Variants in TMPRSS7 observed in about 807,000 individuals in gnomAD.
TMPRSS7 encodes the protein transmembrane protease serine 7.
A neutral mutation model predicts 95.6 loss-of-function variants in TMPRSS7; 81 were observed. The observed-to-expected ratio is 0.85, with a 90% CI of 0.71 to 1.02. The LOEUF is 1.02. Among genes scored for constraint, TMPRSS7 ranks in the 50% least tolerant of loss-of-function variants. The pLI, the probability that TMPRSS7 is intolerant of heterozygous loss-of-function variation, is 0.00. For missense variants in TMPRSS7, 945 were observed against 955.2 expected (o/e 0.99, Z 0.14); for synonymous variants, 364 against 337.8 (o/e 1.08, Z -0.85).
chr3:112,068,834 C>T lies in TMPRSS7; in HGVS notation c.1666+2332C>T, dbSNP rs61440289. Among the ~76,000 whole-genome samples, 450 of 152,244 alleles carry T rather than the reference C, an allele frequency of 3.0e-3. 3 individuals are homozygous for T. Among genetic ancestry groups the T allele is most frequent in the Middle Eastern group, 0.01 (3 of 294 alleles). Reference sequence around the variant, plus strand: ...TTTACTTCTTTCTTCTGCCTGATTGCCCTGGCCAGAACTTCCAACACTATG... The same window carrying T: ...TTTACTTCTTTCTTCTGCCTGATTGTCCTGGCCAGAACTTCCAACACTATG... On this transcript the variant is annotated intron_variant, in intron 13 of 17. Transcript: ENST00000452346.
Position 112,063,529 on chromosome 3 carries a change from C to T in TMPRSS7, c.1452C>T (p.Cys484=), listed in dbSNP as rs58444424. The change falls in exon 12 of 18, where the codon TGC becomes TGT. Residue 484 remains cysteine, a synonymous_variant. Coordinates refer to ENST00000452346, the Ensembl canonical transcript of TMPRSS7. ...TTGATTTTTTGTTGCCCATAGCCTG[C>T]CCTGTTGGATCTTTTAGATGCTCCT... 1,393 of 1,613,708 alleles carry T rather than the reference C, an allele frequency of 8.6e-4. 12 individuals are homozygous for T. In the African/African-American group the frequency reaches 0.017, roughly 19 times the overall value.
intron 3 of TMPRSS7, among the ~76,000 whole-genome samples, chr3:112,043,825 C>T (rs1352020092): frequency 6.6e-6 from 1 of 152,124 alleles, no homozygotes; most frequent in Non-Finnish European, 1.5e-5. Flanking sequence ...TACCACTCGC[C>T]CCCTAGTGGC....
chr3:112,057,004 A>T lies in TMPRSS7; in HGVS notation c.1204-21A>T, dbSNP rs987164535. 5 of 1,527,698 alleles carry T rather than the reference A, an allele frequency of 3.3e-6. No individual in the cohort carries two copies. In the Admixed American group the frequency reaches 9.0e-5, roughly 27 times the overall value. 94.6% of individuals were successfully genotyped at this position (1,527,698 alleles called of 1,614,324 possible). A position where few individuals can be genotyped will look rare whatever the true frequency, so the allele number is the denominator to read the frequency against. On this transcript the variant is annotated intron_variant, in intron 9 of 17. Coordinates refer to ENST00000452346, the Ensembl canonical transcript of TMPRSS7. ...ACTTTGATTGAAGCATTTTTTTCTG[A>T]CTTAATGTTTATTTTCACAGACTTC...
At chr3:112,059,528 C>A (rs1029276468) in intron 10 of TMPRSS7, among the ~76,000 whole-genome samples, 2 of 152,170 alleles carry the variant, frequency 1.3e-5, no homozygotes, top group African/African-American at 4.8e-5. Context: ...TAATGGTGAG[C>A]ACAAAGGAAA....
intron 1 of TMPRSS7, among the ~76,000 whole-genome samples, chr3:112,036,794 G>A (rs755212649): frequency 2.0e-5 from 3 of 152,138 alleles, no homozygotes; most frequent in Non-Finnish European, 4.4e-5. Context: ...CTGAAGCCAT[G>A]GCAGAAGAAC....
chr3:112,047,867 C>T lies in TMPRSS7; in HGVS notation c.859C>T (p.Leu287Phe). The change falls in exon 7 of 18, where the codon CTC becomes TTC. Residue 287 changes from leucine (L) to phenylalanine (F), a missense_variant. Coordinates refer to ENST00000452346, the Ensembl canonical transcript of TMPRSS7. ...GGCCATAGTGGGCTACCTGATTCGT[C>T]TCTCAATCAAGTCCATCCAAATCGA... 6.2e-7 allele frequency: 1 copy of T among 1,614,144 alleles called. No individual in the cohort carries two copies. The highest frequency in any genetic ancestry group is 8.5e-7 in the Non-Finnish European group (1 of 1,180,026).
intron 15 of TMPRSS7, 61 bp downstream of exon 15, chr3:112,075,553 C>T (rs2073702035): frequency 7.7e-7 from 1 of 1,296,210 alleles, no homozygotes; most frequent in African/African-American, 1.5e-5. Context: ...ATATATCTGC[C>T]CTCAAATTGT....
At chr3:112,034,756 C>T (rs559403956), upstream of TMPRSS7, 21 of 681,304 alleles carry the variant, frequency 3.1e-5, no homozygotes, top group African/African-American at 7.1e-5. Context: ...AATGCGGTGA[C>T]GGTTCTCTCA....
chr3:112,040,305 AG>A (rs1366132619), intron 2 of TMPRSS7, among the ~76,000 whole-genome samples: 1 of 152,220 alleles, frequency 6.6e-6, no homozygotes, highest in Non-Finnish European at 1.5e-5. Flanking sequence ...ACTTTCAGAA[AG>A]TTCAGAGTTC....
intron 13 of TMPRSS7, among the ~76,000 whole-genome samples, chr3:112,068,921 C>A (rs1222610054): frequency 6.6e-6 from 1 of 152,156 alleles, no homozygotes; most frequent in Non-Finnish European, 1.5e-5. Flanking sequence ...GGGAATGCTT[C>A]CAATTTTTGC....
chr3:112,075,562 G>T (rs2073702110), intron 15 of TMPRSS7, 70 bp downstream of exon 15: 5 of 1,269,154 alleles, frequency 3.9e-6, no homozygotes, highest in South Asian at 2.8e-5. Context: ...CCCTCAAATT[G>T]TGGGAAGCAG....
At chr3:112,066,218 C>A (rs145279778) in intron 12 of TMPRSS7, among the ~76,000 whole-genome samples, 174 bp from the exon 13 acceptor site, 4 of 152,292 alleles carry the variant, frequency 2.6e-5, no homozygotes, top group Non-Finnish European at 5.9e-5. Context: ...AGAAATCACA[C>A]CAAAGTTTAA....
intron 5 of TMPRSS7, among the ~76,000 whole-genome samples, chr3:112,046,621 T>A (rs1559953890): frequency 6.6e-6 from 1 of 152,230 alleles, no homozygotes; most frequent in Admixed American, 6.5e-5. Flanking sequence ...CTGTATCTCA[T>A]GTACTATTTC....
rs200310602 is a variant in TMPRSS7 at position 112,061,868 on chromosome 3, A to G, written c.1392A>G (p.Ser464=). 3.7e-5 allele frequency: 59 copies of G among 1,612,270 alleles called. No individual in the cohort carries two copies. The East Asian group carries it at 1.3e-3, about 35-fold the overall frequency. ...TTCACATTCAGCTCCAGTGCAGTTCAAGGCTTTCAGACAAGCCACTTTTGG... is the reference window on the plus strand; with the variant it reads ...TTCACATTCAGCTCCAGTGCAGTTCGAGGCTTTCAGACAAGCCACTTTTGG... The change falls in exon 11 of 18, where the codon TCA becomes TCG. Residue 464 remains serine (S), a synonymous_variant. Coordinates refer to ENST00000452346, the Ensembl canonical transcript of TMPRSS7.
At chr3:112,072,870 A>G (rs2073667373) in intron 13 of TMPRSS7, among the ~76,000 whole-genome samples, 1 of 152,258 alleles carries the variant, frequency 6.6e-6, no homozygotes, top group Non-Finnish European at 1.5e-5. Flanking sequence ...GTGCTGCAAT[A>G]GACATACGTG....
upstream of TMPRSS7, chr3:112,034,810 G>C (rs1272835365): frequency 4.3e-6 from 3 of 702,156 alleles, no homozygotes; most frequent in South Asian, 1.5e-5. Context: ...CTGGCTTTGA[G>C]ACACCCCTGG....
At position 112,066,232 on chromosome 3, in the gene TMPRSS7, C is replaced by T. The variant is rs752173405; in HGVS notation, c.1556-160C>T. On this transcript the variant is annotated intron_variant, in intron 12 of 17. Transcript: ENST00000452346. ...TAGAAATCACACCAAAGTTTAAACA[C>T]CTACTTTTCCTCATGGAAGTGTCAG... 6.2e-4 allele frequency among the ~76,000 whole-genome samples: 94 copies of T among 152,318 alleles called. 1 individual carries two copies. The highest frequency in any genetic ancestry group is 1.9e-3 in the South Asian group (9 of 4,816).
intron 10 of TMPRSS7, 34 bp downstream of exon 10, chr3:112,057,165 C>T (rs1576110002): frequency 2.0e-6 from 3 of 1,471,142 alleles, no homozygotes; most frequent in East Asian, 4.5e-5. Context: ...ATATGTGAGG[C>T]ATCTGATGAA....
At chr3:112,045,304 T>A (rs1384599798) in intron 4 of TMPRSS7, among the ~76,000 whole-genome samples, 2 of 152,158 alleles carry the variant, frequency 1.3e-5, no homozygotes, top group African/African-American at 4.8e-5. Context: ...CCTGCCAGTA[T>A]GCCTGGCTAA....
Sources: gnomAD v4.1 joint callset for allele counts (sites outside exome capture counted in the v4.1 genomes callset) on GRCh38, gnomAD v4.1.1 for gene constraint, MANE v1.5 for transcripts, NCBI Gene and HGNC (gene_info 2026-07-23, HGNC 2026-07-21) for gene names.